SCARB2: variants seen among roughly 807,000 people sequenced by gnomAD.
SCARB2 encodes the protein scavenger receptor class B member 2.
A neutral mutation model predicts 58.6 loss-of-function variants in SCARB2; 29 were observed. That is an observed-to-expected ratio of 0.49 (90% CI 0.37 to 0.67). The LOEUF is 0.67. Ranked by LOEUF, SCARB2 falls within the 30% of genes least tolerant of loss-of-function variation. SCARB2 has a pLI of 0.00. For missense variants in SCARB2, 488 were observed against 578.5 expected, an observed-to-expected ratio of 0.84 and a Z score of 1.60; for synonymous variants, 195 against 210.1, an observed-to-expected ratio of 0.93 and a Z score of 0.62.
intron 1 of SCARB2, among the ~76,000 whole-genome samples, chr4:76,202,767 T>A (rs1430080848): frequency 1.3e-5 from 2 of 152,246 alleles, no homozygotes; most frequent in African/African-American, 4.8e-5. Flanking sequence ...TGAGATCATA[T>A]GTATTGTATC....
intron 6 of SCARB2, 93 bp downstream of exon 6, chr4:76,175,695 CATA>C: frequency 5.0e-6 from 7 of 1,400,192 alleles, no homozygotes; most frequent in Non-Finnish European, 7.0e-6. Flanking sequence ...AATATCCATG[CATA>C]ATAAGTGTGT....
intron 4 of SCARB2, 29 bp from the exon 5 acceptor site, chr4:76,176,557 AGTAACT>A: frequency 6.9e-7 from 1 of 1,456,024 alleles, no homozygotes; most frequent in South Asian, 1.1e-5. Flanking sequence ...GATCATTTAA[AGTAACT>A]GTGATAATTT....
At chr4:76,221,527 C>T (rs1288446355) in intron 1 of SCARB2, among the ~76,000 whole-genome samples, 1 of 152,098 alleles carries the variant, frequency 6.6e-6, no homozygotes, top group South Asian at 2.1e-4. Context: ...ATCACACTGG[C>T]CAGGCTGGTC....
At chr4:76,200,489 T>C (rs1291384815) in intron 1 of SCARB2, among the ~76,000 whole-genome samples, 3 of 152,314 alleles carry the variant, frequency 2.0e-5, no homozygotes, top group African/African-American at 7.2e-5. Flanking sequence ...AAACATACTT[T>C]TCAGTTAATC....
intron 1 of SCARB2, among the ~76,000 whole-genome samples, chr4:76,226,775 T>C (rs1324448896): frequency 6.6e-6 from 1 of 152,246 alleles, no homozygotes; most frequent in Non-Finnish European, 1.5e-5. Context: ...TCCAGGAATT[T>C]ATTCATCTTC....
intron 1 of SCARB2, among the ~76,000 whole-genome samples, chr4:76,200,997 C>A (rs1732818238): frequency 6.6e-6 from 1 of 152,316 alleles, no homozygotes; most frequent in East Asian, 1.9e-4. Context: ...AACAGATACT[C>A]CACCCCTGCT....
At chr4:76,162,342 A>C (rs937791754) in intron 11 of SCARB2, 1 of 153,656 alleles carries the variant, frequency 6.5e-6, no homozygotes, top group Non-Finnish European at 1.4e-5. Context: ...AGATGGTTTC[A>C]CGTATTTATT....
chr4:76,169,853 A>C lies in SCARB2; in HGVS notation c.1113+14T>G, dbSNP rs35369082. ...AAACATATGCTCTTTTACCAGGAGG[A>C]AGTATGTACTCACAGGATTAATGTC... On this transcript the variant is annotated intron_variant, in intron 8 of 11. Coordinates refer to ENST00000264896, the MANE Select transcript of SCARB2 (RefSeq NM_005506.4). The C allele has an allele frequency of 1.3e-6, 2 of 1,558,798 alleles. No individual in the cohort carries two copies. The highest frequency in any genetic ancestry group is 1.8e-6 in the Non-Finnish European group (2 of 1,130,024).
intron 1 of SCARB2, among the ~76,000 whole-genome samples, chr4:76,228,688 C>A (rs1455414679): frequency 6.6e-6 from 1 of 152,094 alleles, no homozygotes; most frequent in Non-Finnish European, 1.5e-5. Context: ...CCAATCCTTT[C>A]TGGCTTGTAG....
intron 1 of SCARB2, among the ~76,000 whole-genome samples, chr4:76,203,529 C>T (rs2109966365): frequency 6.6e-6 from 1 of 152,318 alleles, no homozygotes; most frequent in African/African-American, 2.4e-5. Context: ...AGAAGCATAA[C>T]AGTTTTTACC....
chr4:76,180,344 C>A (rs910351633), intron 3 of SCARB2: 1 of 151,994 alleles, frequency 6.6e-6, no homozygotes, highest in African/African-American at 2.4e-5. Context: ...GGCGACAGAG[C>A]AAGACCCTGT....
At chr4:76,207,564 T>TA (rs1407864901) in intron 1 of SCARB2, among the ~76,000 whole-genome samples, 3 of 152,260 alleles carry the variant, frequency 2.0e-5, no homozygotes, top group Non-Finnish European at 4.4e-5. Context: ...AGCAAACACC[T>TA]AAAGTGGTCT....
intron 4 of SCARB2, 47 bp downstream of exon 4, chr4:76,179,470 C>T (rs377527278): frequency 7.2e-7 from 1 of 1,389,938 alleles, no homozygotes; most frequent in African/African-American, 1.4e-5. Flanking sequence ...GTGCCCCAAC[C>T]CACTGTCAGC....
intron 4 of SCARB2, 102 bp from the exon 5 acceptor site, chr4:76,176,630 T>C: frequency 1.3e-6 from 1 of 779,042 alleles, no homozygotes; most frequent in African/African-American, 1.7e-5. Flanking sequence ...CTAGCCCAGA[T>C]GGTGTGGTGA....
At chr4:76,199,465 T>C (rs1003542035) in intron 1 of SCARB2, among the ~76,000 whole-genome samples, 6 of 152,356 alleles carry the variant, frequency 3.9e-5, no homozygotes, top group Non-Finnish European at 8.8e-5. Context: ...ATCTACAACT[T>C]ACTTCAAATA....
rs781264872 is a variant in SCARB2, at chr4:76,213,594, CT to C, written c.-52del. 2.0e-6 allele frequency: 3 copies of C among 1,495,566 alleles called. No homozygotes were observed. The highest frequency in any genetic ancestry group is 2.8e-6 in the Non-Finnish European group (3 of 1,078,198). 92.6% of individuals were successfully genotyped at this position (1,495,566 alleles called of 1,614,324 possible). A position where few individuals can be genotyped will look rare whatever the true frequency, so the allele number is the denominator to read the frequency against. Reference sequence around the variant, plus strand: ...CGGGCCGCACCCGCCAGGGATCCAACTGCAAGGAGGGAGGAGCCGCCGCAGA... The same window carrying C: ...CGGGCCGCACCCGCCAGGGATCCAACGCAAGGAGGGAGGAGCCGCCGCAGA... On this transcript the variant is annotated 5_prime_UTR_variant, in exon 1 of 12. Transcript: ENST00000264896.
At chr4:76,201,107 C>A (rs571367270) in intron 1 of SCARB2, among the ~76,000 whole-genome samples, 1 of 152,166 alleles carries the variant, frequency 6.6e-6, no homozygotes, top group African/African-American at 2.4e-5. Flanking sequence ...ACCAGTAACA[C>A]GCAACCATCT....
In SCARB2 at chr4:76,164,637, GAA is replaced by G. The variant is rs11343804; in HGVS notation, c.1240-1256_1240-1255del. Reference sequence around the variant, plus strand: ...GCAACAGAGCAAGACTCCATCTCAGGAAAAAAAAAAAAAATTAGCCGGGCATG... The same window carrying G: ...GCAACAGAGCAAGACTCCATCTCAGGAAAAAAAAAAAATTAGCCGGGCATG... On this transcript the variant is annotated intron_variant, in intron 10 of 11. Transcript: ENST00000264896. 3.0e-3 allele frequency: 403 copies of G among 134,866 alleles called. 3 individuals are homozygous for G. The highest frequency in any genetic ancestry group is 9.9e-3 in the African/African-American group (369 of 37,244). 8.4% of individuals were successfully genotyped at this position (134,866 alleles called of 1,614,324 possible).
At chr4:76,221,522 A>T (rs573776352) in intron 1 of SCARB2, among the ~76,000 whole-genome samples, 1 of 152,198 alleles carries the variant, frequency 6.6e-6, no homozygotes, top group South Asian at 2.1e-4. Flanking sequence ...ATTTCATCAC[A>T]CTGGCCAGGC....
Sources: gnomAD v4.1 joint callset for allele counts (sites outside exome capture counted in the v4.1 genomes callset) on GRCh38, gnomAD v4.1.1 for gene constraint, MANE v1.5 for transcripts, NCBI Gene and HGNC (gene_info 2026-07-23, HGNC 2026-07-21) for gene names.